The following XRCC4 variants were observed in gnomAD, a reference collection of about 807,000 sequenced individuals.
XRCC4 encodes the protein DNA repair protein XRCC4.
Under a neutral mutation model 39.1 loss-of-function variants are expected in XRCC4, and 28 were observed. That is an observed-to-expected ratio of 0.72 (90% confidence interval 0.53 to 0.98). The LOEUF is 0.98. Ranked by LOEUF, XRCC4 falls within the 50% of genes least tolerant of loss-of-function variation. The probability of loss-of-function intolerance (pLI) is 0.00; values close to 1 mark genes in which losing one functional copy is unlikely to be tolerated. For synonymous variants in XRCC4, 123 were observed against 126.4 expected (o/e 0.97, Z 0.18); for missense variants, 350 against 376.4 (o/e 0.93, Z 0.58).
chr5:83,368,266 T>C, the XRCC4 span, among the ~76,000 whole-genome samples: 2 of 152,268 alleles, frequency 1.3e-5, no homozygotes, highest in East Asian at 3.9e-4. Flanking sequence ...TACAGTTTCG[T>C]CATCTCCAAA....
At chr5:83,158,040 G>A (rs1478294537) in intron 3 of XRCC4, among the ~76,000 whole-genome samples, 1 of 152,014 alleles carries the variant, frequency 6.6e-6, no homozygotes, top group East Asian at 1.9e-4. Context: ...ATGCAATTTG[G>A]AAGTGTTTGT....
intron 3 of XRCC4, among the ~76,000 whole-genome samples, chr5:83,166,799 C>A (rs1749501537): frequency 6.6e-6 from 1 of 151,928 alleles, no homozygotes; most frequent in Non-Finnish European, 1.5e-5. Context: ...TTTTGCTCAA[C>A]TTTGCCAGCA....
chr5:83,287,942 A>G (rs1371755651), intron 7 of XRCC4, among the ~76,000 whole-genome samples: 1 of 151,676 alleles, frequency 6.6e-6, no homozygotes, highest in Admixed American at 6.6e-5. Flanking sequence ...TTTCCTCTCT[A>G]AGCACTGCTT....
intron 6 of XRCC4, among the ~76,000 whole-genome samples, chr5:83,221,604 A>C (rs1388989765): frequency 1.3e-5 from 2 of 152,140 alleles, no homozygotes; most frequent in East Asian, 1.9e-4. Flanking sequence ...GAAATATATT[A>C]TTTCTTTCTC....
In XRCC4 at chr5:83,103,241, G is replaced by A. The variant is rs115211112; in HGVS notation, c.-10-1669G>A. Among the ~76,000 whole-genome samples, 596 of 151,838 alleles carry A rather than the reference G, an allele frequency of 3.9e-3. 3 individuals are homozygous for A. The highest frequency in any genetic ancestry group is 0.014 in the African/African-American group (573 of 41,392). The stretch of plus-strand genomic sequence containing the variant: ...GGTTTTTAGAATTTTTATATTATGT[G>A]GTTGTCTGTTTGTTCAAGTAATGAA... On this transcript the variant is annotated intron_variant, in intron 1 of 7. Coordinates refer to ENST00000396027, the MANE Select transcript of XRCC4 (RefSeq NM_003401.5).
At chr5:83,125,445 A>G (rs1019474062) in intron 3 of XRCC4, among the ~76,000 whole-genome samples, 32 of 152,140 alleles carry the variant, frequency 2.1e-4, no homozygotes, top group African/African-American at 7.7e-4. Flanking sequence ...ATCTATTTTG[A>G]ATTCCTTTTT....
intron 7 of XRCC4, among the ~76,000 whole-genome samples, chr5:83,290,482 C>T (rs1754886258): frequency 6.6e-6 from 1 of 151,308 alleles, no homozygotes; most frequent in Non-Finnish European, 1.5e-5. Flanking sequence ...TCATATTCTG[C>T]ACTATGTGAT....
At chr5:83,230,645 C>T (rs1752462388) in intron 6 of XRCC4, among the ~76,000 whole-genome samples, 1 of 151,824 alleles carries the variant, frequency 6.6e-6, no homozygotes. Flanking sequence ...CATTTATATT[C>T]AAAAACAAGT....
intron 7 of XRCC4, among the ~76,000 whole-genome samples, chr5:83,348,471 C>G (rs1409582343): frequency 6.6e-6 from 1 of 152,238 alleles, no homozygotes; most frequent in Non-Finnish European, 1.5e-5. Flanking sequence ...GAAGCAATGG[C>G]CCAAGCTGCA....
intron 6 of XRCC4, among the ~76,000 whole-genome samples, chr5:83,240,574 C>T (rs916771528): frequency 6.6e-6 from 1 of 152,112 alleles, no homozygotes; most frequent in Non-Finnish European, 1.5e-5. Context: ...GTAATCAAAA[C>T]TAATGATGTA....
chr5:83,163,038 C>T (rs1749295798), intron 3 of XRCC4, among the ~76,000 whole-genome samples: 2 of 150,172 alleles, frequency 1.3e-5, no homozygotes, highest in Admixed American at 1.3e-4. Context: ...CAACCTCCAC[C>T]TCCCAAGTTC....
At chr5:83,275,211 G>A (rs1012643782) in intron 7 of XRCC4, among the ~76,000 whole-genome samples, 1 of 152,122 alleles carries the variant, frequency 6.6e-6, no homozygotes, top group African/African-American at 2.4e-5. Flanking sequence ...TGGGTAAATG[G>A]TGCAGCTTTC....
At chr5:83,243,935 C>G (rs1384368550) in intron 6 of XRCC4, among the ~76,000 whole-genome samples, 1 of 152,090 alleles carries the variant, frequency 6.6e-6, no homozygotes, top group Non-Finnish European at 1.5e-5. Context: ...CTGCTGCATG[C>G]CTGTCCCTGA....
rs1232993625 is a variant in XRCC4, at chr5:83,103,014, A to ATATT, written c.-10-1893_-10-1892insTTAT. 2.0e-4 allele frequency among the ~76,000 whole-genome samples: 29 copies of ATATT among 143,146 alleles called. 1 individual carries two copies. The South Asian group carries it at 6.2e-3, about 31-fold the overall frequency. 93.9% of individuals were successfully genotyped at this position (143,146 alleles called of 152,430 possible). A position where few individuals can be genotyped will look rare whatever the true frequency, so the allele number is the denominator to read the frequency against. On this transcript the variant is annotated intron_variant, in intron 1 of 7. Coordinates refer to ENST00000396027, the MANE Select transcript of XRCC4 (RefSeq NM_003401.5). ...GTTCCAGTAAAGATAGAGCTGATAT[A>ATATT]TATATATATATATATATGTCAACAT...
intron 3 of XRCC4, 64 bp from the exon 4 acceptor site, chr5:83,195,706 T>G (rs1750906423): frequency 1.4e-6 from 2 of 1,427,348 alleles, no homozygotes; most frequent in Non-Finnish European, 1.9e-6. Context: ...TTGTGTATGC[T>G]TAAAACCAGG....
intron 2 of XRCC4, among the ~76,000 whole-genome samples, chr5:83,108,252 T>C (rs575306503): frequency 1.3e-5 from 2 of 151,960 alleles, no homozygotes; most frequent in African/African-American, 4.8e-5. Context: ...CCAGATGTTC[T>C]TGGCACAGAA....
intron 6 of XRCC4, among the ~76,000 whole-genome samples, chr5:83,255,729 C>A (rs1003819712): frequency 6.6e-6 from 1 of 152,124 alleles, no homozygotes; most frequent in Non-Finnish European, 1.5e-5. Flanking sequence ...AAAAAAATTG[C>A]AAGCTCTCGG....
intron 6 of XRCC4, among the ~76,000 whole-genome samples, chr5:83,218,169 T>G (rs1447072858): frequency 6.6e-6 from 1 of 150,528 alleles, no homozygotes; most frequent in African/African-American, 2.4e-5. Context: ...GCTGCACCCA[T>G]TAACTCATCA....
chr5:83,124,975 A>T (rs1386886716), intron 3 of XRCC4, among the ~76,000 whole-genome samples: 1 of 152,168 alleles, frequency 6.6e-6, no homozygotes, highest in East Asian at 1.9e-4. Context: ...AATATATAAG[A>T]TCTACATTCT....
Sources: gnomAD v4.1 joint callset for allele counts (sites outside exome capture counted in the v4.1 genomes callset) on GRCh38, gnomAD v4.1.1 for gene constraint, MANE v1.5 for transcripts, NCBI Gene and HGNC (gene_info 2026-07-23, HGNC 2026-07-21) for gene names.